The following KIAA0232 variants were observed in gnomAD, a reference collection of about 807,000 sequenced individuals.
KIAA0232 encodes the protein uncharacterized protein KIAA0232.
In KIAA0232, 27 loss-of-function variants were observed where a neutral mutation model predicts 122.0. The ratio of observed to expected loss-of-function variants is 0.22; its 90% CI spans 0.16 to 0.31. The LOEUF (loss-of-function observed/expected upper bound fraction) is 0.31. Ranked by LOEUF, KIAA0232 falls within the 10% of genes least tolerant of loss-of-function variation. KIAA0232 has a pLI of 1.00. For synonymous variants in KIAA0232, 613 were observed against 587.6 expected (o/e 1.04, Z -0.63); for missense variants, 1,551 against 1,634.2 (o/e 0.95, Z 0.88).
rs539778880 is a variant in KIAA0232 at position 6,869,171 on chromosome 4, C to T, written c.3802-2403C>T. 3.9e-5 allele frequency among the ~76,000 whole-genome samples: 6 copies of T among 152,294 alleles called. No individual in the cohort carries two copies. The East Asian group carries it at 1.2e-3, about 29-fold the overall frequency. Reference sequence around the variant, plus strand: ...GCTCCCAGGTTCCTGGCCCCTCTAGCCTGCTTTCCCTGACCTGTCCCATCC... The same window carrying T: ...GCTCCCAGGTTCCTGGCCCCTCTAGTCTGCTTTCCCTGACCTGTCCCATCC... On this transcript the variant is annotated intron_variant, in intron 7 of 9. Coordinates refer to ENST00000307659, the MANE Select transcript of KIAA0232 (RefSeq NM_014743.3).
intron 3 of KIAA0232, among the ~76,000 whole-genome samples, chr4:6,825,110 A>G (rs563138314): frequency 6.6e-6 from 1 of 152,336 alleles, no homozygotes; most frequent in Non-Finnish European, 1.5e-5. Context: ...ATCTGCAAGA[A>G]TGATGTTTAT....
chr4:6,857,751 T>G (rs904952146), intron 5 of KIAA0232, among the ~76,000 whole-genome samples: 1 of 152,236 alleles, frequency 6.6e-6, no homozygotes, highest in African/African-American at 2.4e-5. Context: ...TATTTCGATA[T>G]ATGAATCCTC....
intron 7 of KIAA0232, among the ~76,000 whole-genome samples, chr4:6,869,154 G>A (rs1201674643): frequency 6.6e-6 from 1 of 152,076 alleles, no homozygotes; most frequent in African/African-American, 2.4e-5. Context: ...CTGCTCCCAG[G>A]TTCCTGGCCC....
intron 6 of KIAA0232, 23 bp from the exon 7 acceptor site, chr4:6,860,878 G>A (rs1577405850): frequency 6.3e-7 from 1 of 1,590,850 alleles, no homozygotes; most frequent in East Asian, 2.2e-5. Flanking sequence ...CTCGTGTTTT[G>A]AAGTCTTTAC....
At chr4:6,837,154 G>A (rs1306680117) in intron 3 of KIAA0232, among the ~76,000 whole-genome samples, 2 of 151,934 alleles carry the variant, frequency 1.3e-5, no homozygotes, top group East Asian at 2.0e-4. Context: ...CCTCCCGAAC[G>A]GGCCGGCTGG....
chr4:6,875,946 C>A (rs1160027757), intron 8 of KIAA0232, among the ~76,000 whole-genome samples: 1 of 152,156 alleles, frequency 6.6e-6, no homozygotes, highest in Non-Finnish European at 1.5e-5. Context: ...CTGCCCAGGA[C>A]AGTTCATTTG....
Position 6,863,548 on chromosome 4 carries a change from T to A in KIAA0232, c.3166T>A (p.Cys1056Ser), listed in dbSNP as rs377367261. The change falls in exon 7 of 10, where the codon TGC becomes AGC. Residue 1056 changes from cysteine to serine, a missense_variant. Cys to Ser is a moderately radical substitution (Grantham distance 112). This residue lies in a region of KIAA0232 where 1,108 missense variants were observed against 1,154.8 expected (regional missense o/e 0.96). Transcript: ENST00000307659. ...NPFSQVLHVECSFEPEGIASF... is the reference protein window; with the variant it reads ...NPFSQVLHVESSFEPEGIASF... ...ATTTTCACAAGTTCTTCATGTAGAATGCTCATTTGAACCTGAAGGGATTGC... is the reference window on the plus strand; with the variant it reads ...ATTTTCACAAGTTCTTCATGTAGAAAGCTCATTTGAACCTGAAGGGATTGC... The A allele has an allele frequency of 1.2e-6, 2 of 1,614,112 alleles. No individual in the cohort carries two copies. The highest frequency in any genetic ancestry group is 2.7e-5 in the African/African-American group (2 of 74,940).
chr4:6,863,340 C>A lies in KIAA0232; in HGVS notation c.2958C>A (p.His986Gln). The A allele has an allele frequency of 6.2e-7, 1 of 1,614,152 alleles. No homozygotes were observed. The highest frequency in any genetic ancestry group is 8.5e-7 in the Non-Finnish European group (1 of 1,180,022). ...CAGGAAACAGTTTTGCTCCTGGGCA[C>A]AGGCAGTTATGGAAACCCTTCGTGT... Reference protein sequence around the residue: ...MTPGNSFAPGHRQLWKPFVSF... With the variant: ...MTPGNSFAPGQRQLWKPFVSF... Residue 986 changes from histidine to glutamine, a missense_variant, in exon 7 of 10, where the codon CAC (histidine) becomes CAA (glutamine). Transcript: ENST00000307659.
At chr4:6,857,263 A>T in intron 5 of KIAA0232, 33 bp downstream of exon 5, 2 of 1,565,766 alleles carry the variant, frequency 1.3e-6, no homozygotes, top group Non-Finnish European at 1.7e-6. Flanking sequence ...CACACATGCC[A>T]GGATTACATC....
In KIAA0232 at chr4:6,861,387, T is replaced by C; in HGVS notation, c.1005T>C (p.Ser335=). Residue 335 remains serine (S), a synonymous_variant, in exon 7 of 10, where the codon TCT becomes TCC. Coordinates refer to ENST00000307659, the MANE Select transcript of KIAA0232 (RefSeq NM_014743.3). ...KKGRNGQSRL[S]LKHGEKAERN... is the part of the protein sequence containing the mutation. ...GGCGGAATGGGCAAAGCAGGCTTTC[T>C]TTGAAGCACGGTGAAAAGGCTGAAA... 4.3e-6 allele frequency: 7 copies of C among 1,614,184 alleles called. No homozygotes were observed. The highest frequency in any genetic ancestry group is 5.9e-6 in the Non-Finnish European group (7 of 1,180,034).
Position 6,872,469 on chromosome 4 carries a change from A to G in KIAA0232, c.3910+787A>G, listed in dbSNP as rs370874329. On this transcript the variant is annotated intron_variant, in intron 8 of 9. Transcript: ENST00000307659. ...GGTGAGGAAGATTTTAGTTTAGGGT[A>G]TTTTTTGAATGAGCAGTCTGTGAGG... Among the ~76,000 whole-genome samples the G allele has an allele frequency of 4.6e-5, 7 of 152,292 alleles. No individual in the cohort carries two copies. The South Asian group carries it at 1.5e-3, about 32-fold the overall frequency.
intron 3 of KIAA0232, among the ~76,000 whole-genome samples, chr4:6,833,248 C>T (rs1178659169): frequency 6.6e-6 from 1 of 152,198 alleles, no homozygotes; most frequent in Non-Finnish European, 1.5e-5. Context: ...AATTAAATAA[C>T]CTTCTACATC....
intron 3 of KIAA0232, among the ~76,000 whole-genome samples, chr4:6,829,622 C>G (rs953641648): frequency 1.3e-5 from 2 of 152,186 alleles, no homozygotes; most frequent in East Asian, 3.8e-4. Flanking sequence ...GTATTAAGCT[C>G]CCACAGCCTG....
chr4:6,809,085 G>T (rs1201692649), intron 2 of KIAA0232, among the ~76,000 whole-genome samples: 2 of 152,216 alleles, frequency 1.3e-5, no homozygotes, highest in African/African-American at 4.8e-5. Context: ...TCTTCAGGAA[G>T]GCAGGGCAGG....
rs1252030651 is a variant in KIAA0232, at chr4:6,883,869, G to C, written c.*2903G>C. 3.3e-5 allele frequency: 5 copies of C among 152,132 alleles called. No individual in the cohort carries two copies. The allele number at this position is 152,132 out of a possible 1,614,324, so 9.4% of individuals were successfully genotyped here. ...AGGATTCTGAATGTACAGTATATAT[G>C]AATGCATACACAGAGAAATTTACAT... On this transcript the variant is annotated 3_prime_UTR_variant, in exon 10 of 10. Transcript: ENST00000307659.
In KIAA0232 at chr4:6,861,903, G is replaced by A. The variant is rs373180760; in HGVS notation, c.1521G>A (p.Thr507=). Residue 507 remains threonine, a synonymous_variant, in exon 7 of 10, where the codon ACG becomes ACA. Transcript: ENST00000307659. ...ATGATATTCATCTATCAGAATTAAC[G>A]CACTTCTATGAAGTGGATATTGATC... The part of the protein sequence containing the change: ...YLDDIHLSEL[T]HFYEVDIDQS... 4.0e-5 allele frequency: 64 copies of A among 1,613,882 alleles called. No homozygotes were observed. In the African/African-American group the frequency reaches 4.7e-4, roughly 12 times the overall value.
At chr4:6,840,150 C>T (rs1186819920) in intron 3 of KIAA0232, among the ~76,000 whole-genome samples, 3 of 152,200 alleles carry the variant, frequency 2.0e-5, no homozygotes, top group East Asian at 1.9e-4. Context: ...CTCTGCCTCT[C>T]TGCCTACCTC....
intron 2 of KIAA0232, among the ~76,000 whole-genome samples, chr4:6,819,237 C>G (rs1718301709): frequency 6.6e-6 from 1 of 151,938 alleles, no homozygotes; most frequent in African/African-American, 2.4e-5. Flanking sequence ...CTAATTAAGC[C>G]AAAGAGCTTA....
At position 6,862,847 on chromosome 4, in the gene KIAA0232, C is replaced by T; in HGVS notation, c.2465C>T (p.Ser822Leu). 1 of 1,614,132 alleles carries T rather than the reference C, an allele frequency of 6.2e-7. No individual in the cohort carries two copies. Among genetic ancestry groups the T allele is most frequent in the East Asian group, 2.2e-5 (1 of 44,892 alleles). Residue 822 changes from serine (S) to leucine (L), a missense_variant, in exon 7 of 10, where the codon TCA becomes TTA. Ser to Leu is a moderately radical substitution (Grantham distance 145, BLOSUM62 -2). Coordinates refer to ENST00000307659, the MANE Select transcript of KIAA0232 (RefSeq NM_014743.3). ...NESPHGDGYS[S>L]GVIKDIWTKM... is the part of the protein sequence containing the mutation. The stretch of plus-strand genomic sequence containing the variant: ...AGTCCACATGGAGATGGCTACAGCT[C>T]AGGGGTTATTAAAGACATTTGGACA...
Sources: allele counts gnomAD v4.1 joint callset (sites outside exome capture counted in the v4.1 genomes callset), GRCh38; gene constraint gnomAD v4.1.1; regional missense constraint gnomAD v4.1.1; transcripts MANE v1.5; gene names NCBI Gene and HGNC (gene_info 2026-07-23, HGNC 2026-07-21).